USP46: variants seen among roughly 807,000 people sequenced by gnomAD.
USP46 encodes the protein ubiquitin carboxyl-terminal hydrolase 46.
A neutral mutation model predicts 44.4 loss-of-function variants in USP46; 12 were observed. The ratio of observed to expected loss-of-function variants is 0.27; its 90% CI spans 0.17 to 0.44. The LOEUF (loss-of-function observed/expected upper bound fraction) is 0.44, where lower values mean the gene tolerates loss of function less well. USP46 is among the 20% of genes least tolerant of loss of function. USP46 has a pLI of 1.00. For missense variants in USP46, 248 were observed against 444.8 expected (o/e 0.56, Z 3.98); for synonymous variants, 155 against 161.5 (o/e 0.96, Z 0.31).
intron 1 of USP46, chr4:52,651,106 A>AG (rs1353020752): frequency 2.0e-5 from 3 of 151,846 alleles, no homozygotes; most frequent in South Asian, 2.1e-4. Flanking sequence ...AAAAAAAAAA[A>AG]AAAGAAAGAA....
chr4:52,602,334 T>C (rs1371213398), intron 6 of USP46, among the ~76,000 whole-genome samples: 5 of 152,198 alleles, frequency 3.3e-5, no homozygotes, highest in Non-Finnish European at 7.3e-5. Context: ...TGTGCAATTG[T>C]TCTCCATCAC....
intron 1 of USP46, among the ~76,000 whole-genome samples, chr4:52,639,860 G>GTTTT (rs34078992): frequency 1.0e-4 from 12 of 116,574 alleles, no homozygotes; most frequent in Non-Finnish European, 1.6e-4. Flanking sequence ...CCATGCCTGG[G>GTTTT]TTTTTTTTTT....
intron 1 of USP46, among the ~76,000 whole-genome samples, chr4:52,649,014 C>T (rs1170074718): frequency 6.6e-6 from 1 of 152,218 alleles, no homozygotes; most frequent in Non-Finnish European, 1.5e-5. Flanking sequence ...TCTCTCTACC[C>T]GTGTCTCCCA....
At chr4:52,613,954 A>G (rs1717029450) in intron 4 of USP46, among the ~76,000 whole-genome samples, 1 of 152,176 alleles carries the variant, frequency 6.6e-6, no homozygotes, top group African/African-American at 2.4e-5. Flanking sequence ...AAAATAAAAT[A>G]TACTCGCAAT....
intron 1 of USP46, among the ~76,000 whole-genome samples, chr4:52,638,512 T>C (rs150391313): frequency 5.3e-5 from 8 of 151,984 alleles, no homozygotes; most frequent in African/African-American, 1.9e-4. Context: ...GAAAGTAATA[T>C]ACCCCGCCCC....
chr4:52,612,265 T>G (rs1432328634), intron 4 of USP46, among the ~76,000 whole-genome samples: 2 of 152,164 alleles, frequency 1.3e-5, no homozygotes, highest in African/African-American at 2.4e-5. Context: ...AAAAAAGGCA[T>G]CTTTATACTT....
chr4:52,652,373 T>C (rs1195722471), intron 1 of USP46, among the ~76,000 whole-genome samples: 2 of 152,190 alleles, frequency 1.3e-5, no homozygotes, highest in African/African-American at 4.8e-5. Context: ...GACCCAGCAA[T>C]TCCCTTCCAG....
chr4:52,628,086 T>G lies in USP46; in HGVS notation c.195A>C (p.Ala65=), dbSNP rs750697857. ...CCTTCTTCTTTTGCTGGGCCTTGTA[T>G]GCCAACACATTCTCCCGGAATGGAC... is the stretch of plus-strand genomic sequence containing the variant. ...FCRPFRENVL[A]YKAQQKKKEN... is the part of the protein sequence containing the mutation. The change falls in exon 3 of 9, where the codon GCA becomes GCC. Residue 65 remains alanine, a synonymous_variant. Transcript: ENST00000441222. The G allele has an allele frequency of 3.7e-6, 6 of 1,614,000 alleles. No homozygotes were observed. Among genetic ancestry groups the G allele is most frequent in the Non-Finnish European group, 5.1e-6 (6 of 1,179,876 alleles).
chr4:52,592,772 G>A lies in USP46; in HGVS notation c.*4868C>T, dbSNP rs1716072352. The A allele has an allele frequency of 2.5e-6, 1 of 397,908 alleles. No homozygotes were observed. 24.6% of individuals were successfully genotyped at this position (397,908 alleles called of 1,614,324 possible). A position where few individuals can be genotyped will look rare whatever the true frequency, so the allele number is the denominator to read the frequency against. On this transcript the variant is annotated 3_prime_UTR_variant, in exon 9 of 9. Transcript: ENST00000441222. ...AAGAATCGCTTGAACTCGGGAGGCA[G>A]AGGTTGCAGTGAGCTGAGATCTCAT...
Position 52,596,119 on chromosome 4 carries a change from G to C in USP46, c.*1521C>G, listed in dbSNP as rs1716229737. On this transcript the variant is annotated 3_prime_UTR_variant, in exon 9 of 9. Coordinates refer to ENST00000441222, the MANE Select transcript of USP46 (RefSeq NM_022832.4). ...AATAAACAGTTCAAGATATTTCAAA[G>C]ATAAGAAATCCAGTTTTCATCTAGA... The C allele has an allele frequency of 6.6e-6, 1 of 152,602 alleles. No homozygotes were observed. The highest frequency in any genetic ancestry group is 1.5e-5 in the Non-Finnish European group (1 of 68,010). The allele number at this position is 152,602 out of a possible 1,614,324, so 9.5% of individuals were successfully genotyped here.
intron 4 of USP46, among the ~76,000 whole-genome samples, chr4:52,615,340 C>T (rs927970484): frequency 3.3e-5 from 5 of 151,938 alleles, no homozygotes; most frequent in Admixed American, 6.6e-5. Flanking sequence ...GTTGGAAAAA[C>T]GACATACTAT....
chr4:52,637,893 A>G (rs1307476349), intron 1 of USP46, among the ~76,000 whole-genome samples: 1 of 151,918 alleles, frequency 6.6e-6, no homozygotes, highest in Non-Finnish European at 1.5e-5. Flanking sequence ...CCTGCTTACC[A>G]TCTGAGTGCT....
intron 4 of USP46, among the ~76,000 whole-genome samples, chr4:52,619,031 A>G (rs1036583316): frequency 1.1e-4 from 16 of 152,210 alleles, no homozygotes; most frequent in African/African-American, 3.9e-4. Context: ...AAATTAAAAT[A>G]AACAGTGGCA....
intron 1 of USP46, chr4:52,655,461 T>C (rs1033972282): frequency 6.6e-6 from 1 of 152,258 alleles, no homozygotes; most frequent in African/African-American, 2.4e-5. Context: ...GATTAGATGA[T>C]CTGAAGCAAC....
rs373425078 is a variant in USP46 at position 52,608,632 on chromosome 4, A to G, written c.638+1909T>C. On this transcript the variant is annotated intron_variant, in intron 5 of 8. Transcript: ENST00000441222. ...TCTGAGAGCTTTAAAAACAATCCCA[A>G]TGCCCAATCCCGCACCCCTCCACCC... is the stretch of plus-strand genomic sequence containing the variant. 4.6e-5 allele frequency among the ~76,000 whole-genome samples: 7 copies of G among 152,244 alleles called. No individual in the cohort carries two copies. The East Asian group carries it at 9.7e-4, about 21-fold the overall frequency.
intron 5 of USP46, among the ~76,000 whole-genome samples, chr4:52,605,044 T>C (rs1325064249): frequency 1.3e-5 from 2 of 152,218 alleles, no homozygotes; most frequent in African/African-American, 4.8e-5. Context: ...GGTGACATTA[T>C]TGTGTAGTTA....
intron 2 of USP46, among the ~76,000 whole-genome samples, 177 bp downstream of exon 2, chr4:52,630,887 G>T (rs1225228372): frequency 6.6e-6 from 1 of 152,010 alleles, no homozygotes; most frequent in Non-Finnish European, 1.5e-5. Flanking sequence ...TTTTTTGCTG[G>T]GACAACTCAT....
rs571873648 is a variant in USP46 at position 52,606,935 on chromosome 4, A to C, written c.639-2351T>G. On this transcript the variant is annotated intron_variant, in intron 5 of 8. Coordinates refer to ENST00000441222, the MANE Select transcript of USP46 (RefSeq NM_022832.4). ...TACTTCAATTGAGTAAGTGCTGTGG[A>C]ATCTTGTTTTGGCTGCATGGGATTG... Among the ~76,000 whole-genome samples the C allele has an allele frequency of 3.3e-5, 5 of 152,306 alleles. No individual in the cohort carries two copies. In the East Asian group the frequency reaches 9.6e-4, roughly 29 times the overall value.
At chr4:52,638,136 G>C (rs750739674) in intron 1 of USP46, among the ~76,000 whole-genome samples, 6 of 152,198 alleles carry the variant, frequency 3.9e-5, no homozygotes, top group African/African-American at 7.2e-5. Context: ...TAAGAACCTT[G>C]AGATGGGGAG....
Sources: gnomAD v4.1 joint callset for allele counts (sites outside exome capture counted in the v4.1 genomes callset) on GRCh38, gnomAD v4.1.1 for gene constraint, MANE v1.5 for transcripts, NCBI Gene and HGNC (gene_info 2026-07-23, HGNC 2026-07-21) for gene names.